The following ZAN variants were observed in gnomAD, a reference collection of about 807,000 sequenced individuals.
ZAN encodes zonadhesin.
Under a neutral mutation model 286.2 loss-of-function variants are expected in ZAN, and 260 were observed. The ratio of observed to expected loss-of-function variants is 0.91; its 90% CI spans 0.82 to 1.01. The LOEUF is 1.01. Among genes scored for constraint, ZAN ranks in the 50% least tolerant of loss-of-function variants. ZAN has a pLI of 0.00. For missense variants in ZAN, 3,410 were observed against 3,639.2 expected, an observed-to-expected ratio of 0.94 and a Z score of 1.62; for synonymous variants, 1,368 against 1,417.5, an observed-to-expected ratio of 0.97 and a Z score of 0.79.
chr7:100,792,059 C>G lies in ZAN; in HGVS notation c.7623C>G (p.Ser2541Arg), dbSNP rs751537325. The G allele has an allele frequency of 3.1e-6, 5 of 1,613,138 alleles. No individual in the cohort carries two copies. The highest frequency in any genetic ancestry group is 4.2e-6 in the Non-Finnish European group (5 of 1,179,734). The change falls in exon 41 of 48, where the codon AGC (serine) becomes AGG (arginine). Residue 2541 changes from serine to arginine, a missense_variant. Ser to Arg is a moderately radical substitution (Grantham distance 110). Around this residue, in one of 7 missense-constraint regions of ZAN, gnomAD observed 1,289 missense variants for 1,314.3 expected, o/e 0.98. Transcript: ENST00000613979. ...VSECSPEQLA[S>R]NSTQACRVLA... Reference sequence around the variant, plus strand: ...AATGTAGCCCGGAGCAGCTGGCGAGCAACAGCACCCAGGCCTGTAGGGTGC... The same window carrying G: ...AATGTAGCCCGGAGCAGCTGGCGAGGAACAGCACCCAGGCCTGTAGGGTGC...
intron 35 of ZAN, among the ~76,000 whole-genome samples, chr7:100,781,227 C>A (rs1208144619): frequency 6.6e-6 from 1 of 151,978 alleles, no homozygotes; most frequent in African/African-American, 2.4e-5. Flanking sequence ...ACCACCACAC[C>A]CAGGTAATTT....
chr7:100,793,782 C>A (rs764620382), intron 42 of ZAN, 38 bp from the exon 43 acceptor site: 10 of 1,548,464 alleles, frequency 6.5e-6, no homozygotes, highest in Non-Finnish European at 8.7e-6. Flanking sequence ...TTGGCCTGCC[C>A]AGCCCCAGCC....
chr7:100,795,526 A>G (rs1284684083), intron 45 of ZAN, among the ~76,000 whole-genome samples, 190 bp downstream of exon 45: 1 of 149,372 alleles, frequency 6.7e-6, no homozygotes, highest in Non-Finnish European at 1.5e-5. Context: ...TATCTTGTAT[A>G]TTAATTATCT....
intron 34 of ZAN, among the ~76,000 whole-genome samples, chr7:100,777,318 A>G (rs1810889228): frequency 2.0e-5 from 3 of 150,948 alleles, no homozygotes; most frequent in Admixed American, 2.0e-4. Context: ...GTGCTGGGTA[A>G]TCATGAGCGA....
In ZAN at chr7:100,748,229, CT is replaced by C. The variant is rs1808368088; in HGVS notation, c.1102+15del. 1 of 1,613,786 alleles carries C rather than the reference CT, an allele frequency of 6.2e-7. No individual in the cohort carries two copies. Among genetic ancestry groups the C allele is most frequent in the Admixed American group, 1.7e-5 (1 of 59,976 alleles). On this transcript the variant is annotated intron_variant, in intron 10 of 47. Transcript: ENST00000613979. ...CTCCTTGTGGGGGTGAGAGCAGGCC[CT>C]GAGAGGCCCGGATCTCTCAGAATCC...
intron 19 of ZAN, among the ~76,000 whole-genome samples, chr7:100,761,146 G>A (rs546208559): frequency 7.9e-5 from 12 of 152,074 alleles, no homozygotes; most frequent in South Asian, 4.2e-4. Context: ...CTCCTGCCTC[G>A]GCCTCCCAAA....
chr7:100,767,894 A>G lies in ZAN; in HGVS notation c.4924A>G (p.Ser1642Gly), dbSNP rs763604580. 3.2e-5 allele frequency: 51 copies of G among 1,613,782 alleles called. No homozygotes were observed. Among genetic ancestry groups the G allele is most frequent in the Admixed American group, 3.3e-5 (2 of 59,982 alleles). ...LAQGRVTIRL[S>G]SNLVLLYTNF... ...ACAAGGCCGGGTGACCATAAGGCTC[A>G]GCAGCAACCTCGTCCTCCTCTACAC... is the stretch of plus-strand genomic sequence containing the variant. The change falls in exon 26 of 48, where the codon AGC becomes GGC. Residue 1642 changes from serine to glycine, a missense_variant. By Grantham distance (56) the Ser-to-Gly change is moderately conservative (BLOSUM62 0). Coordinates refer to ENST00000613979, the MANE Select transcript of ZAN (RefSeq NM_003386.3).
intron 26 of ZAN, 37 bp downstream of exon 26, chr7:100,768,048 A>C (rs766017507): frequency 7.7e-5 from 123 of 1,590,318 alleles, no homozygotes; most frequent in Non-Finnish European, 1.7e-6. Flanking sequence ...AAGCTGGGAC[A>C]ATGAGTAGGC....
chr7:100,740,297 T>A (rs118128681), intron 7 of ZAN, among the ~76,000 whole-genome samples: 3,008 of 130,046 alleles, frequency 0.023, 528 homozygotes, highest in Non-Finnish European at 0.033. Flanking sequence ...TTATTTATTT[T>A]TTTTTTTTTA....
intron 26 of ZAN, among the ~76,000 whole-genome samples, chr7:100,768,301 G>C (rs556013484): frequency 1.3e-5 from 2 of 152,108 alleles, no homozygotes; most frequent in Admixed American, 1.3e-4. Flanking sequence ...GCAAAAACCT[G>C]TCTCTACTAA....
Position 100,796,701 on chromosome 7 carries a change from C to A in ZAN, c.8267-665C>A, listed in dbSNP as rs368631978. 7.9e-5 allele frequency among the ~76,000 whole-genome samples: 12 copies of A among 152,198 alleles called. No homozygotes were observed. In the South Asian group the frequency reaches 1.2e-3, roughly 16 times the overall value. ...AAAGTGCTGGGATTACAGGCGTGAG[C>A]CTTTGTGCCCAACCAGAATCTGCAT... On this transcript the variant is annotated intron_variant, in intron 45 of 47. Coordinates refer to ENST00000613979, the MANE Select transcript of ZAN (RefSeq NM_003386.3).
At chr7:100,746,393 G>T (rs61609580) in intron 7 of ZAN, 145 bp from the exon 8 acceptor site, 3 of 1,056,170 alleles carry the variant, frequency 2.8e-6, no homozygotes, top group Non-Finnish European at 2.7e-6. Context: ...CAGTCAGTTG[G>T]GATAGGACCA....
chr7:100,760,818 C>T (rs1003879773), intron 19 of ZAN, among the ~76,000 whole-genome samples: 24 of 152,174 alleles, frequency 1.6e-4, no homozygotes, highest in African/African-American at 4.1e-4. Flanking sequence ...TGGAGGCTTT[C>T]TGAAGGGCAG....
At position 100,766,595 on chromosome 7, in the gene ZAN, G is replaced by T. The variant is rs1355658662; in HGVS notation, c.4541G>T (p.Cys1514Phe). 1 of 1,554,350 alleles carries T rather than the reference G, an allele frequency of 6.4e-7. No homozygotes were observed. The highest frequency in any genetic ancestry group is 8.7e-7 in the Non-Finnish European group (1 of 1,148,606). ...TGTGAAAGCAACAACAGAATTCGCT[G>T]CCAGCCCTGGAGGTGTAGGGCCCAG... ...CVCESNNRIR[C>F]QPWRCRAQEF... The change falls in exon 24 of 48, where the codon TGC becomes TTC. Residue 1514 changes from cysteine to phenylalanine, a missense_variant. By Grantham distance (205) the Cys-to-Phe change is radical (BLOSUM62 -2). Transcript: ENST00000613979.
Position 100,792,087 on chromosome 7 carries a change from G to A in ZAN, c.7651G>A (p.Ala2551Thr). The A allele has an allele frequency of 6.2e-7, 1 of 1,612,978 alleles. No homozygotes were observed. The highest frequency in any genetic ancestry group is 8.5e-7 in the Non-Finnish European group (1 of 1,179,730). ...CAGCACCCAGGCCTGTAGGGTGCTG[G>A]CAGACCCCCAGGGCCCCTTTGCTGC... The part of the protein sequence containing the change: ...SNSTQACRVL[A>T]DPQGPFAACH... The change falls in exon 41 of 48, where the codon GCA becomes ACA. Residue 2551 changes from alanine to threonine, a missense_variant. Physicochemically the swap from Ala to Thr is moderately conservative, Grantham distance 58. Transcript: ENST00000613979.
intron 20 of ZAN, 67 bp downstream of exon 20, chr7:100,762,425 T>C (rs1344281426): frequency 0.01 from 12,533 of 1,242,968 alleles, 28 homozygotes; most frequent in South Asian, 0.022. Flanking sequence ...CTCTCTTTTT[T>C]TTTTTTTTTT....
At chr7:100,738,873 T>TTCTCCTTCTCCC (rs1562911245) in intron 7 of ZAN, among the ~76,000 whole-genome samples, 20 of 24,150 alleles carry the variant, frequency 8.3e-4, no homozygotes, top group East Asian at 5.1e-3. Context: ...CCTCTTCTTC[T>TTCTCCTTCTCCC]TCTCCCTCTC....
chr7:100,775,030 C>T (rs1184678929), intron 31 of ZAN, among the ~76,000 whole-genome samples: 2 of 152,066 alleles, frequency 1.3e-5, no homozygotes, highest in African/African-American at 2.4e-5. Flanking sequence ...CTGGTTCAAG[C>T]GATTCTCCTG....
chr7:100,755,222 T>G lies in ZAN; in HGVS notation c.3125-4T>G. The G allele has an allele frequency of 4.3e-6, 7 of 1,610,264 alleles. No individual in the cohort carries two copies. The highest frequency in any genetic ancestry group is 5.9e-6 in the Non-Finnish European group (7 of 1,177,596). On this transcript the variant is annotated splice_polypyrimidine_tract_variant and splice_region_variant and intron_variant, in intron 14 of 47. Transcript: ENST00000613979. ...AAGCATGACAGAGGCTGTTTTCCCC[T>G]TAGAGCGCTGCCCTCCAAATGCCCG...
Sources: gnomAD v4.1 joint callset for allele counts (sites outside exome capture counted in the v4.1 genomes callset) on GRCh38, gnomAD v4.1.1 for gene constraint, gnomAD v4.1.1 regional missense constraint, MANE v1.5 for transcripts, NCBI Gene and HGNC (gene_info 2026-07-23, HGNC 2026-07-21) for gene names.